Variants in NDC1 observed in about 807,000 individuals in gnomAD.
NDC1 encodes NDC1 transmembrane nucleoporin.
NDC1 carries 24 observed loss-of-function variants against 89.8 expected under a neutral mutation model. The observed-to-expected ratio is 0.27, with a 90% CI of 0.19 to 0.38. The LOEUF (loss-of-function observed/expected upper bound fraction) is 0.38, where lower values mean the gene tolerates loss of function less well. NDC1 is among the 10% of genes least tolerant of loss of function. The probability of loss-of-function intolerance (pLI) is 1.00; values close to 1 mark genes in which losing one functional copy is unlikely to be tolerated. For synonymous variants in NDC1, 296 were observed against 284.8 expected, an observed-to-expected ratio of 1.04 and a Z score of -0.39; for missense variants, 728 against 797.6, an observed-to-expected ratio of 0.91 and a Z score of 1.05.
intron 16 of NDC1, among the ~76,000 whole-genome samples, chr1:53,779,157 T>C (rs1647184866): frequency 1.5e-5 from 2 of 132,200 alleles, no homozygotes; most frequent in South Asian, 4.9e-4. Flanking sequence ...TCATGTAACA[T>C]AGGAATAATG....
chr1:53,826,397 TC>T (rs1416558564), intron 4 of NDC1, among the ~76,000 whole-genome samples: 1 of 151,970 alleles, frequency 6.6e-6, no homozygotes. Context: ...GCAGATAGAG[TC>T]CCATACATGT....
At chr1:53,830,056 C>G (rs948239938) in intron 3 of NDC1, among the ~76,000 whole-genome samples, 1 of 151,956 alleles carries the variant, frequency 6.6e-6, no homozygotes, top group Non-Finnish European at 1.5e-5. Flanking sequence ...GAGGTTGAGG[C>G]AGGAGAATCA....
At chr1:53,803,583 T>C (rs1455611088) in intron 10 of NDC1, among the ~76,000 whole-genome samples, 2 of 152,162 alleles carry the variant, frequency 1.3e-5, no homozygotes, top group African/African-American at 2.4e-5. Context: ...ATTTTTTTTT[T>C]CTTTTTGAGA....
At chr1:53,797,267 G>C in intron 11 of NDC1, 123 bp from the exon 12 acceptor site, 2 of 889,924 alleles carry the variant, frequency 2.2e-6, no homozygotes, top group Non-Finnish European at 3.4e-6. Context: ...TCAGTAGATT[G>C]TTTCCATTTA....
rs751245710 is a variant in NDC1, at chr1:53,807,828, A to C, written c.756-37T>G. Reference sequence around the variant, plus strand: ...GAAATTACTATTAATCCTCTAGGAAAAATGCAATCTAAATATTAACACACT... The same window carrying C: ...GAAATTACTATTAATCCTCTAGGAACAATGCAATCTAAATATTAACACACT... On this transcript the variant is annotated intron_variant, in intron 7 of 17. Coordinates refer to ENST00000371429, the MANE Select transcript of NDC1 (RefSeq NM_018087.5). 5.1e-6 allele frequency: 8 copies of C among 1,568,586 alleles called. No individual in the cohort carries two copies. The African/African-American group carries it at 9.7e-5, about 19-fold the overall frequency.
At chr1:53,780,139 C>T (rs1476313906) in intron 16 of NDC1, among the ~76,000 whole-genome samples, 4 of 152,032 alleles carry the variant, frequency 2.6e-5, no homozygotes, top group Admixed American at 6.6e-5. Context: ...ACGGCACAAT[C>T]GCAGCTCACC....
intron 6 of NDC1, among the ~76,000 whole-genome samples, chr1:53,810,926 G>A (rs760731336): frequency 2.0e-5 from 3 of 152,126 alleles, no homozygotes; most frequent in Admixed American, 6.5e-5. Context: ...CTGAGGACCC[G>A]GGAGACACCC....
intron 16 of NDC1, among the ~76,000 whole-genome samples, chr1:53,772,745 C>CATAAA (rs1012608081): frequency 2.7e-5 from 4 of 148,172 alleles, no homozygotes; most frequent in Admixed American, 2.7e-4. Flanking sequence ...CATAATATAA[C>CATAAA]ATAAAATAAA....
chr1:53,778,788 G>A (rs1385334016), intron 16 of NDC1, among the ~76,000 whole-genome samples: 1 of 152,034 alleles, frequency 6.6e-6, no homozygotes, highest in Non-Finnish European at 1.5e-5. Context: ...TAACAGTATT[G>A]ACAGCAATAC....
chr1:53,810,732 C>G (rs939235924), intron 6 of NDC1, among the ~76,000 whole-genome samples: 4 of 152,140 alleles, frequency 2.6e-5, no homozygotes, highest in Non-Finnish European at 4.4e-5. Flanking sequence ...TAGCAAGACC[C>G]CATCTCTAAA....
At chr1:53,778,868 G>A (rs1305618871) in intron 16 of NDC1, among the ~76,000 whole-genome samples, 1 of 151,736 alleles carries the variant, frequency 6.6e-6, no homozygotes, top group Non-Finnish European at 1.5e-5. Context: ...GTGGCTGGAT[G>A]CAGTGGCTCA....
intron 15 of NDC1, 21 bp downstream of exon 15, chr1:53,789,112 C>G: frequency 6.7e-7 from 1 of 1,496,492 alleles, no homozygotes; most frequent in South Asian, 1.2e-5. Context: ...ATCATAGTTA[C>G]AGTTCACAGT....
intron 2 of NDC1, among the ~76,000 whole-genome samples, chr1:53,833,631 A>G (rs1005234037): frequency 2.6e-5 from 4 of 152,112 alleles, no homozygotes; most frequent in Non-Finnish European, 5.9e-5. Flanking sequence ...CGGAACTCAA[A>G]AACAAAAAAA....
At chr1:53,824,245 AAAAAAG>A (rs1279249532) in intron 5 of NDC1, among the ~76,000 whole-genome samples, 172 of 145,604 alleles carry the variant, frequency 1.2e-3, no homozygotes, top group African/African-American at 4.2e-3. Flanking sequence ...AAAAAAAAAA[AAAAAAG>A]AAAAAAGAAA....
At chr1:53,778,989 A>G (rs888234207) in intron 16 of NDC1, among the ~76,000 whole-genome samples, 7 of 152,062 alleles carry the variant, frequency 4.6e-5, no homozygotes, top group Non-Finnish European at 5.9e-5. Context: ...TAAAAATACA[A>G]AAAAATTATT....
At chr1:53,818,037 A>G (rs1170431348) in intron 6 of NDC1, among the ~76,000 whole-genome samples, 2 of 152,184 alleles carry the variant, frequency 1.3e-5, no homozygotes, top group Non-Finnish European at 2.9e-5. Context: ...AAAAAGGAGG[A>G]TGTCATTTCT....
chr1:53,781,571 T>G (rs1032576310), intron 16 of NDC1, among the ~76,000 whole-genome samples: 2 of 152,202 alleles, frequency 1.3e-5, no homozygotes, highest in Non-Finnish European at 2.9e-5. Context: ...TTGCCTTTAA[T>G]GATTCAGTGA....
intron 5 of NDC1, among the ~76,000 whole-genome samples, chr1:53,820,288 CA>C (rs1010690158): frequency 2.7e-5 from 4 of 148,616 alleles, no homozygotes; most frequent in East Asian, 3.9e-4. Context: ...AACAAAATCG[CA>C]AAAAAAAATC....
At chr1:53,823,925 C>CT (rs1418146982) in intron 5 of NDC1, among the ~76,000 whole-genome samples, 1 of 152,036 alleles carries the variant, frequency 6.6e-6, no homozygotes, top group Non-Finnish European at 1.5e-5. Context: ...CATGTGAAAA[C>CT]TTTATTTCTT....
Sources: gnomAD v4.1 joint callset for allele counts (sites outside exome capture counted in the v4.1 genomes callset) on GRCh38, gnomAD v4.1.1 for gene constraint, MANE v1.5 for transcripts, NCBI Gene and HGNC (gene_info 2026-07-23, HGNC 2026-07-21) for gene names.